RBBP4: variants seen among roughly 807,000 people sequenced by gnomAD.
RBBP4 encodes the protein histone-binding protein RBBP4.
Under a neutral mutation model 57.2 loss-of-function variants are expected in RBBP4, and 3 were observed. The observed-to-expected ratio is 0.05, with a 90% CI of 0.02 to 0.14. The LOEUF (loss-of-function observed/expected upper bound fraction) is 0.14, where lower values mean the gene tolerates loss of function less well. Ranked by LOEUF, RBBP4 falls within the 10% of genes least tolerant of loss-of-function variation. The pLI, the probability that RBBP4 is intolerant of heterozygous loss-of-function variation, is 1.00. For missense variants in RBBP4, 107 were observed against 520.6 expected, an observed-to-expected ratio of 0.21 and a Z score of 7.73; for synonymous variants, 151 against 171.5, an observed-to-expected ratio of 0.88 and a Z score of 0.93.
chr1:32,651,463 C>T (rs1225497146), intron 1 of RBBP4, 141 bp downstream of exon 1: 14 of 1,364,952 alleles, frequency 1.0e-5, no homozygotes, highest in Non-Finnish European at 1.2e-5. Flanking sequence ...GAACTCCCCG[C>T]GGGGCGTGCT....
Position 32,680,728 on chromosome 1 carries a change from A to C in RBBP4, c.*1023A>C. On this transcript the variant is annotated 3_prime_UTR_variant, in exon 12 of 12. Coordinates refer to ENST00000373493, the MANE Select transcript of RBBP4 (RefSeq NM_005610.3). The stretch of plus-strand genomic sequence containing the variant: ...TCTCTGGCTTCTAGAAGAGTCCTTC[A>C]GATGACAGTTGTTGTCCATGGTCTT... 1 of 564,730 alleles carries C rather than the reference A, an allele frequency of 1.8e-6. No homozygotes were observed. The highest frequency in any genetic ancestry group is 3.1e-6 in the Non-Finnish European group (1 of 322,320). The allele number at this position is 564,730 out of a possible 1,614,324, so 35.0% of individuals were successfully genotyped here.
intron 3 of RBBP4, among the ~76,000 whole-genome samples, chr1:32,663,078 G>A (rs552955571): frequency 7.9e-5 from 12 of 152,212 alleles, no homozygotes; most frequent in African/African-American, 2.2e-4. Context: ...ACTCAAGCTG[G>A]TAGATTCTTA....
rs145317940 is a variant in RBBP4, at chr1:32,679,140, T to C, written c.1213-500T>C. Among the ~76,000 whole-genome samples the C allele has an allele frequency of 1.7e-3, 261 of 152,072 alleles. 3 individuals carry two copies. The East Asian group carries it at 0.034, about 20-fold the overall frequency. ...GGTGAAACCCCATCTCTATTAAAAA[T>C]ACAAAAATTAGCCAGGCGTAGTGGC... On this transcript the variant is annotated intron_variant, in intron 11 of 11. Coordinates refer to ENST00000373493, the MANE Select transcript of RBBP4 (RefSeq NM_005610.3).
intron 3 of RBBP4, 83 bp from the exon 4 acceptor site, chr1:32,668,142 A>T (rs1479656474): frequency 1.5e-6 from 2 of 1,317,214 alleles, no homozygotes; most frequent in Non-Finnish European, 2.1e-6. Context: ...AAGGAAAAAA[A>T]ATCCTTTCCT....
intron 8 of RBBP4, among the ~76,000 whole-genome samples, chr1:32,670,836 C>CTGGTGTGTGAAGG (rs1553195831): frequency 6.6e-6 from 1 of 152,170 alleles, no homozygotes; most frequent in Non-Finnish European, 1.5e-5. Context: ...AAGATTAATT[C>CTGGTGTGTGAAGG]TGGTGTGTGA....
chr1:32,669,727 A>C lies in RBBP4; in HGVS notation c.966+164A>C, dbSNP rs552085893. Among the ~76,000 whole-genome samples the C allele has an allele frequency of 2.2e-4, 34 of 152,264 alleles. No homozygotes were observed. The highest frequency in any genetic ancestry group is 7.7e-4 in the African/African-American group (32 of 41,558). On this transcript the variant is annotated intron_variant, in intron 8 of 11. Coordinates refer to ENST00000373493, the MANE Select transcript of RBBP4 (RefSeq NM_005610.3). The surrounding 1 kb of genome is among the most constrained non-coding windows in gnomAD (Gnocchi z 4.9). The stretch of plus-strand genomic sequence containing the variant: ...AACACGGTGAAACCCTGTCTCTACT[A>C]AAAATATAAAAAATTAGCCGGGCAT...
chr1:32,672,765 C>A (rs367873300), intron 10 of RBBP4, 26 bp from the exon 11 acceptor site: 84,452 of 1,607,048 alleles, frequency 0.053, 4,440 homozygotes, highest in African/African-American at 0.24. Context: ...CTGCATTTCA[C>A]CTCTTTGTTT....
intron 3 of RBBP4, chr1:32,662,242 C>T: frequency 3.0e-6 from 1 of 334,232 alleles, no homozygotes; most frequent in Non-Finnish European, 6.2e-6. Context: ...TCTCTGTCGT[C>T]CAGGCTGAGT....
At chr1:32,653,149 G>A (rs1647965871) in intron 2 of RBBP4, among the ~76,000 whole-genome samples, 1 of 151,978 alleles carries the variant, frequency 6.6e-6, no homozygotes, top group Admixed American at 6.6e-5. Flanking sequence ...CTACATATCG[G>A]GGATCCAAAT....
chr1:32,669,698 GGCTA>G lies in RBBP4; in HGVS notation c.966+136_966+139del. 2 of 1,331,226 alleles carry G rather than the reference GGCTA, an allele frequency of 1.5e-6. No individual in the cohort carries two copies. Among genetic ancestry groups the G allele is most frequent in the Non-Finnish European group, 9.7e-7 (1 of 1,029,706 alleles). 82.5% of individuals were successfully genotyped at this position (1,331,226 alleles called of 1,614,324 possible). On this transcript the variant is annotated intron_variant, in intron 8 of 11. Transcript: ENST00000373493. This position sits in a 1 kb window ranked among gnomAD's most constrained non-coding sequence, Gnocchi z 4.9. ...AAGGTCAGGAGATCGAGACCATCCT[GGCTA>G]ACACGGTGAAACCCTGTCTCTACTA...
intron 8 of RBBP4, among the ~76,000 whole-genome samples, chr1:32,671,016 G>A (rs1648852905): frequency 6.6e-6 from 1 of 151,982 alleles, no homozygotes; most frequent in African/African-American, 2.4e-5. Flanking sequence ...TTAATTGCTG[G>A]TCACTAATGC....
chr1:32,660,855 G>C (rs887723118), intron 3 of RBBP4, among the ~76,000 whole-genome samples: 4 of 152,104 alleles, frequency 2.6e-5, no homozygotes, highest in African/African-American at 7.2e-5. Flanking sequence ...TGTCACCCAG[G>C]CTGGAGTGCA....
At chr1:32,666,196 G>A (rs1266241078) in intron 3 of RBBP4, among the ~76,000 whole-genome samples, 2 of 152,120 alleles carry the variant, frequency 1.3e-5, no homozygotes, top group East Asian at 1.9e-4. Flanking sequence ...AAGATAAACG[G>A]CATGATGGTA....
At chr1:32,662,800 G>T (rs966671370) in intron 3 of RBBP4, among the ~76,000 whole-genome samples, 1 of 151,392 alleles carries the variant, frequency 6.6e-6, no homozygotes, top group African/African-American at 2.4e-5. Flanking sequence ...CTTGGCCAAC[G>T]TGGTGAAACC....
chr1:32,651,874 C>T (rs1305819159), intron 1 of RBBP4, 40 bp from the exon 2 acceptor site: 11 of 1,599,148 alleles, frequency 6.9e-6, no homozygotes, highest in Non-Finnish European at 9.4e-6. Flanking sequence ...ACTCGGTTTC[C>T]GTTTGTTTGC....
rs771084643 is a variant in RBBP4, at chr1:32,651,918, C to T, written c.21C>T (p.Ala7=). Residue 7 remains alanine (A), a synonymous_variant, in exon 2 of 12, where the codon GCC becomes GCT. Coordinates refer to ENST00000373493, the MANE Select transcript of RBBP4 (RefSeq NM_005610.3). ...ATTTGTTTTTAAAAATTTTAGCAGC[C>T]TTCGACGACGCAGTGGAAGAACGAG... MADKEA[A]FDDAVEERVI... The T allele has an allele frequency of 1.9e-6, 3 of 1,613,752 alleles. No individual in the cohort carries two copies. Among genetic ancestry groups the T allele is most frequent in the African/African-American group, 2.7e-5 (2 of 75,012 alleles).
chr1:32,669,633 G>A lies in RBBP4; in HGVS notation c.966+70G>A. 6.5e-6 allele frequency: 10 copies of A among 1,530,024 alleles called. No homozygotes were observed. The highest frequency in any genetic ancestry group is 2.3e-5 in the East Asian group (1 of 43,598). 94.8% of individuals were successfully genotyped at this position (1,530,024 alleles called of 1,614,324 possible). A position where few individuals can be genotyped will look rare whatever the true frequency, so the allele number is the denominator to read the frequency against. The stretch of plus-strand genomic sequence containing the variant: ...CTGCTGGGCGCGGTCGCTCACGCCT[G>A]TAATCCCAGCACTTTGGGAGGCTGA... On this transcript the variant is annotated intron_variant, in intron 8 of 11. Coordinates refer to ENST00000373493, the MANE Select transcript of RBBP4 (RefSeq NM_005610.3). The surrounding 1 kb of genome is among the most constrained non-coding windows in gnomAD (Gnocchi z 4.9).
chr1:32,658,921 TATAA>T (rs1249472250), intron 3 of RBBP4, among the ~76,000 whole-genome samples: 6 of 96,798 alleles, frequency 6.2e-5, no homozygotes, highest in Admixed American at 4.4e-4. Flanking sequence ...TTTTACACAA[TATAA>T]ATGTTATATT....
intron 11 of RBBP4, among the ~76,000 whole-genome samples, chr1:32,676,757 T>C (rs560765336): frequency 6.6e-6 from 1 of 152,252 alleles, no homozygotes; most frequent in South Asian, 2.1e-4. Context: ...CTCACTCTCT[T>C]TGTAATAAAT....
Sources: allele counts gnomAD v4.1 joint callset (sites outside exome capture counted in the v4.1 genomes callset), GRCh38; gene constraint gnomAD v4.1.1; non-coding constraint Gnocchi (gnomAD v3.1); transcripts MANE v1.5; gene names NCBI Gene and HGNC (gene_info 2026-07-23, HGNC 2026-07-21).